Variants in CABLES1 observed in about 807,000 individuals in gnomAD.
CABLES1 encodes CDK5 and ABL1 enzyme substrate 1.
Under a neutral mutation model 57.8 loss-of-function variants are expected in CABLES1, and 36 were observed. That is an observed-to-expected ratio of 0.62 (90% CI 0.48 to 0.82). The LOEUF is 0.82. Among genes scored for constraint, CABLES1 ranks in the 40% least tolerant of loss-of-function variants. The pLI is 0.00. For missense variants in CABLES1, 767 were observed against 836.6 expected (o/e 0.92, Z 1.03); for synonymous variants, 374 against 363.0 (o/e 1.03, Z -0.35).
At chr18:23,194,419 T>G in intron 2 of CABLES1, 29 bp from the exon 3 acceptor site, 2 of 1,435,182 alleles carry the variant, frequency 1.4e-6, no homozygotes, top group Non-Finnish European at 2.0e-6. Flanking sequence ...GGCAACTGAC[T>G]GTGTTTTTGA....
upstream of CABLES1, among the ~76,000 whole-genome samples, chr18:23,135,173 GA>G (rs56062841): frequency 0.08 from 12,164 of 152,144 alleles, 734 homozygotes; most frequent in African/African-American, 0.16. Context: ...GCGCGCGGGG[GA>G]AACGTGCTCG....
chr18:23,249,456 A>G (rs1012140610), intron 7 of CABLES1, among the ~76,000 whole-genome samples: 1 of 152,214 alleles, frequency 6.6e-6, no homozygotes. Context: ...TCTTTGGCAC[A>G]TAGAAATCAG....
chr18:23,136,532 C>T lies in CABLES1; in HGVS notation c.770C>T (p.Ser257Leu). ...ILPIAFSRPT[S>L]QNYCSLEQPG... ...CCCATCGCCTTCTCCAGGCCGACTTCGCAGAACTACTGCTCCCTGGAGCAG... is the reference window on the plus strand; with the variant it reads ...CCCATCGCCTTCTCCAGGCCGACTTTGCAGAACTACTGCTCCCTGGAGCAG... Residue 257 changes from serine to leucine, a missense_variant, in exon 1 of 10, where the codon TCG becomes TTG. Ser to Leu is a moderately radical substitution (Grantham distance 145). Transcript: ENST00000256925. 2 of 1,585,002 alleles carry T rather than the reference C, an allele frequency of 1.3e-6. No homozygotes were observed. The highest frequency in any genetic ancestry group is 1.7e-6 in the Non-Finnish European group (2 of 1,172,984).
At chr18:23,187,512 A>G (rs11877188) in intron 1 of CABLES1, among the ~76,000 whole-genome samples, 21,641 of 152,142 alleles carry the variant, frequency 0.14, 2,207 homozygotes, top group Admixed American at 0.27. Context: ...TCAGCCTCCC[A>G]AGTAGCTGGG....
chr18:23,198,795 G>A (rs1056560988), intron 3 of CABLES1, among the ~76,000 whole-genome samples: 7 of 152,254 alleles, frequency 4.6e-5, no homozygotes, highest in African/African-American at 1.4e-4. Context: ...ATGGGAACCA[G>A]CTCTGCTAAC....
At chr18:23,243,274 A>G (rs2047781025) in intron 7 of CABLES1, among the ~76,000 whole-genome samples, 1 of 151,920 alleles carries the variant, frequency 6.6e-6, no homozygotes, top group South Asian at 2.1e-4. Flanking sequence ...ACATCACATT[A>G]GAAGCACAGT....
chr18:23,248,313 T>C (rs975197892), intron 7 of CABLES1, among the ~76,000 whole-genome samples: 1 of 151,982 alleles, frequency 6.6e-6, no homozygotes, highest in African/African-American at 2.4e-5. Context: ...TAGTGGTAAA[T>C]GCAATCAGCA....
upstream of CABLES1, chr18:23,135,481 G>A: frequency 6.6e-6 from 1 of 152,386 alleles, no homozygotes; most frequent in Non-Finnish European, 1.5e-5. Flanking sequence ...CGGCCCCGGA[G>A]CCCGCGAGCC....
chr18:23,200,767 G>A (rs769449748), intron 3 of CABLES1, among the ~76,000 whole-genome samples: 1 of 152,190 alleles, frequency 6.6e-6, no homozygotes, highest in Non-Finnish European at 1.5e-5. Context: ...TCTAGATTGC[G>A]GCAAAATGTC....
intron 9 of CABLES1, 128 bp downstream of exon 9, chr18:23,254,064 C>T (rs1193277125): frequency 2.7e-6 from 2 of 730,748 alleles, no homozygotes; most frequent in East Asian, 2.7e-5. Flanking sequence ...GAGGTGAAGG[C>T]TATGAAGTCT....
At chr18:23,171,783 G>A (rs1389728066) in intron 1 of CABLES1, among the ~76,000 whole-genome samples, 2 of 152,218 alleles carry the variant, frequency 1.3e-5, no homozygotes, top group South Asian at 2.1e-4. Context: ...CTGCTTCCCC[G>A]TGACCCCATC....
intron 3 of CABLES1, among the ~76,000 whole-genome samples, chr18:23,211,916 G>T (rs111836770): frequency 6.6e-6 from 1 of 152,270 alleles, no homozygotes; most frequent in Non-Finnish European, 1.5e-5. Flanking sequence ...GTTCAGCAGG[G>T]TGTGCTCATG....
intron 7 of CABLES1, among the ~76,000 whole-genome samples, chr18:23,244,798 G>A (rs971344246): frequency 2.0e-5 from 3 of 152,190 alleles, no homozygotes; most frequent in Non-Finnish European, 2.9e-5. Context: ...AGGTCTTACA[G>A]CTAGCTCCTG....
At chr18:23,196,666 G>A (rs1266035610) in intron 3 of CABLES1, among the ~76,000 whole-genome samples, 1 of 152,220 alleles carries the variant, frequency 6.6e-6, no homozygotes, top group Non-Finnish European at 1.5e-5. Flanking sequence ...GAAATGACAG[G>A]TAGGAGGGGT....
At chr18:23,149,803 C>G (rs967718033) in intron 1 of CABLES1, 2 of 152,258 alleles carry the variant, frequency 1.3e-5, no homozygotes, top group African/African-American at 4.8e-5. Flanking sequence ...CCAACTTGCG[C>G]CTGTCGCCCG....
chr18:23,244,131 TA>T (rs2047815523), intron 7 of CABLES1, among the ~76,000 whole-genome samples: 1 of 152,250 alleles, frequency 6.6e-6, no homozygotes, highest in Admixed American at 6.5e-5. Context: ...AGCTTGCGTT[TA>T]GAAGTGCATC....
At chr18:23,196,571 C>T (rs1458301185) in intron 3 of CABLES1, among the ~76,000 whole-genome samples, 1 of 152,204 alleles carries the variant, frequency 6.6e-6, no homozygotes, top group African/African-American at 2.4e-5. Context: ...GAGAGGAATG[C>T]AGAAGCTCTG....
In CABLES1 at chr18:23,194,477, C is replaced by G. The variant is rs1473427014; in HGVS notation, c.947C>G (p.Pro316Arg). 1.9e-6 allele frequency: 3 copies of G among 1,613,032 alleles called. No individual in the cohort carries two copies. The highest frequency in any genetic ancestry group is 3.3e-5 in the Admixed American group (2 of 59,986). ...CGAACTCTCTCAGGTTCACCCAGAC[C>G]AAAGAATTTTAAGAAGATTCATTTT... ...RCRTLSGSPRPKNFKKIHFIK... is the reference protein window; with the variant it reads ...RCRTLSGSPRRKNFKKIHFIK... The change falls in exon 3 of 10, where the codon CCA becomes CGA. Residue 316 changes from proline (P) to arginine (R), a missense_variant. Transcript: ENST00000256925.
At chr18:23,221,451 T>C (rs2047486540) in intron 4 of CABLES1, among the ~76,000 whole-genome samples, 1 of 152,214 alleles carries the variant, frequency 6.6e-6, no homozygotes, top group Non-Finnish European at 1.5e-5. Context: ...TGTCCTGAGT[T>C]GCAGACATTG....
Sources: gnomAD v4.1 joint callset for allele counts (sites outside exome capture counted in the v4.1 genomes callset) on GRCh38, gnomAD v4.1.1 for gene constraint, MANE v1.5 for transcripts, NCBI Gene and HGNC (gene_info 2026-07-23, HGNC 2026-07-21) for gene names.